ZNF722: variants seen among roughly 807,000 people sequenced by gnomAD.
ZNF722 encodes the protein zinc finger protein 479 pseudogene.
the ZNF722 span, among the ~76,000 whole-genome samples, chr7:64,003,288 C>T: frequency 6.6e-6 from 1 of 152,076 alleles, no homozygotes; most frequent in Admixed American, 6.6e-5. Context: ...TCATTGTTCT[C>T]TCATTGCTCT....
At chr7:64,009,802 G>C in the ZNF722 span, among the ~76,000 whole-genome samples, 1 of 152,182 alleles carries the variant, frequency 6.6e-6, no homozygotes, top group Non-Finnish European at 1.5e-5. Context: ...GATTGGAATA[G>C]TTTAAGAAGT....
At chr7:64,014,955 A>G in the ZNF722 span, 1 of 1,100,056 alleles carries the variant, frequency 9.1e-7, no homozygotes, top group South Asian at 1.5e-5. Context: ...GTATAATTTT[A>G]TATATTCGAT....
the ZNF722 span, chr7:63,999,032 C>T: frequency 7.1e-5 from 112 of 1,569,244 alleles, 1 homozygote; most frequent in South Asian, 1.1e-3. Flanking sequence ...GTGAGAGGGG[C>T]GGGAGACGGT....
At chr7:64,011,456 T>A in the ZNF722 span, among the ~76,000 whole-genome samples, 1 of 152,300 alleles carries the variant, frequency 6.6e-6, no homozygotes, top group Middle Eastern at 3.4e-3. Context: ...GGTGACAAAA[T>A]CTCTCAGCAT....
chr7:64,004,841 G>A, the ZNF722 span, among the ~76,000 whole-genome samples: 16 of 152,172 alleles, frequency 1.1e-4, no homozygotes, highest in Admixed American at 9.8e-4. Context: ...ATTCTTACTA[G>A]GCTAGAAACA....
At chr7:64,012,097 C>G in the ZNF722 span, among the ~76,000 whole-genome samples, 1 of 152,128 alleles carries the variant, frequency 6.6e-6, no homozygotes, top group Admixed American at 6.6e-5. Flanking sequence ...TCACATAGTT[C>G]TAGTGCCATG....
chr7:64,000,128 T>TGTGTGTGTG, the ZNF722 span, among the ~76,000 whole-genome samples: 1 of 89,412 alleles, frequency 1.1e-5, no homozygotes, highest in East Asian at 2.4e-4. Context: ...ACTTTTTTTT[T>TGTGTGTGTG]TTTTTGTGTG....
At chr7:64,013,740 A>T in the ZNF722 span, among the ~76,000 whole-genome samples, 1 of 152,022 alleles carries the variant, frequency 6.6e-6, no homozygotes, top group African/African-American at 2.4e-5. Context: ...AAAGTTATGT[A>T]TTTTCATATG....
At chr7:64,000,637 G>A in the ZNF722 span, among the ~76,000 whole-genome samples, 111 of 150,844 alleles carry the variant, frequency 7.4e-4, no homozygotes, top group African/African-American at 2.5e-3. Context: ...TTTTAGTAGA[G>A]ACACAGTTTT....
At chr7:64,015,686 C>A in the ZNF722 span, 1 of 1,613,060 alleles carries the variant, frequency 6.2e-7, no homozygotes, top group Non-Finnish European at 8.5e-7. Flanking sequence ...AAGCCTTTAG[C>A]GTATCCTCAA....
chr7:64,015,628 A>G, the ZNF722 span: 4 of 1,613,924 alleles, frequency 2.5e-6, no homozygotes, highest in East Asian at 2.2e-5. Flanking sequence ...ACTAACCACA[A>G]GAGAATTCAT....
chr7:64,003,280 ATTG>A, the ZNF722 span, among the ~76,000 whole-genome samples: 10,763 of 149,946 alleles, frequency 0.072, 518 homozygotes, highest in African/African-American at 0.14. Context: ...GGAGAAGCTC[ATTG>A]TTCTCTCATT....
chr7:64,007,412 C>T, the ZNF722 span, among the ~76,000 whole-genome samples: 1 of 151,934 alleles, frequency 6.6e-6, no homozygotes, highest in Admixed American at 6.6e-5. Context: ...CCACGACAGG[C>T]CCTGGTGTGT....
At chr7:64,008,641 C>G in the ZNF722 span, among the ~76,000 whole-genome samples, 5 of 152,166 alleles carry the variant, frequency 3.3e-5, no homozygotes, top group African/African-American at 1.2e-4. Context: ...GTTTTGGTTA[C>G]TGTAGCCTTG....
chr7:64,014,178 A>G, the ZNF722 span, among the ~76,000 whole-genome samples: 3 of 150,466 alleles, frequency 2.0e-5, no homozygotes, highest in African/African-American at 7.3e-5. Context: ...CATACTTTAA[A>G]ATTATTTCAC....
the ZNF722 span, among the ~76,000 whole-genome samples, chr7:64,000,769 C>CT: frequency 4.8e-3 from 724 of 149,468 alleles, 11 homozygotes; most frequent in African/African-American, 0.016. Context: ...TCAACTGTGT[C>CT]TTTTTTTTTG....
the ZNF722 span, among the ~76,000 whole-genome samples, chr7:64,011,888 A>G: frequency 1.3e-5 from 2 of 152,146 alleles, no homozygotes; most frequent in Non-Finnish European, 1.5e-5. Context: ...AGGTACACCA[A>G]TCAAACATAG....
At chr7:64,015,371 A>C in the ZNF722 span, 2 of 1,500,638 alleles carry the variant, frequency 1.3e-6, no homozygotes, top group Non-Finnish European at 1.8e-6. Context: ...ACCTAAATCA[A>C]CATCAGATAA....
the ZNF722 span, chr7:64,005,675 T>C: frequency 2.0e-6 from 3 of 1,520,586 alleles, no homozygotes; most frequent in African/African-American, 1.4e-5. Flanking sequence ...ATGCCTGGAT[T>C]GTGCTCAGCA....
Sources: allele counts gnomAD v4.1 joint callset (sites outside exome capture counted in the v4.1 genomes callset), GRCh38; gene constraint gnomAD v4.1.1; transcripts MANE v1.5; gene names NCBI Gene and HGNC (gene_info 2026-07-23, HGNC 2026-07-21).